ZBTB34: variants seen among roughly 807,000 people sequenced by gnomAD.
The protein encoded by ZBTB34 is zinc finger and BTB domain-containing protein 34.
ZBTB34 carries 1 observed loss-of-function variant against 33.4 expected under a neutral mutation model. That is an observed-to-expected ratio of 0.03 (90% CI 0.01 to 0.14). The LOEUF is 0.14. Ranked by LOEUF, ZBTB34 falls within the 10% of genes least tolerant of loss-of-function variation. ZBTB34 has a pLI of 1.00. For missense variants in ZBTB34, 406 were observed against 657.2 expected, an observed-to-expected ratio of 0.62 and a Z score of 4.18; for synonymous variants, 283 against 253.5, an observed-to-expected ratio of 1.12 and a Z score of -1.11.
In ZBTB34 at chr9:126,880,905, T is replaced by G; in HGVS notation, c.1506T>G (p.Ala502=). ...TGGAAATTCACACAGTGTCTGATGC[T>G]CCCGATTAAGATGGTAAAGAAGTGC... The change falls in exon 2 of 2, where the codon GCT becomes GCG. Residue 502 remains alanine, a synonymous_variant. Transcript: ENST00000319119. This position sits in a 1 kb window ranked among gnomAD's most constrained non-coding sequence, Gnocchi z 6.7. 6.2e-7 allele frequency: 1 copy of G among 1,608,070 alleles called. No homozygotes were observed. Among genetic ancestry groups the G allele is most frequent in the South Asian group, 1.1e-5 (1 of 90,924 alleles).
chr9:126,873,189 A>G (rs2033304289), intron 1 of ZBTB34, among the ~76,000 whole-genome samples: 2 of 152,124 alleles, frequency 1.3e-5, no homozygotes, highest in South Asian at 2.1e-4. Context: ...ACATTTGCCT[A>G]TTTGTTAGGT....
At chr9:126,863,130 C>G (rs2033162757) in intron 1 of ZBTB34, among the ~76,000 whole-genome samples, 1 of 152,140 alleles carries the variant, frequency 6.6e-6, no homozygotes, top group South Asian at 2.1e-4. Context: ...GGGGAAAGAA[C>G]AGCAGCTTTG....
chr9:126,867,889 G>T (rs2033229932), intron 1 of ZBTB34, among the ~76,000 whole-genome samples: 1 of 151,950 alleles, frequency 6.6e-6, no homozygotes, highest in African/African-American at 2.4e-5. Context: ...GTTGACATGT[G>T]ACACCTTTGA....
intron 1 of ZBTB34, among the ~76,000 whole-genome samples, chr9:126,864,651 A>T (rs527534869): frequency 4.7e-5 from 7 of 149,434 alleles, no homozygotes; most frequent in South Asian, 4.3e-4. Flanking sequence ...CATTTTATTT[A>T]TTTTTTTTTT....
At chr9:126,861,509 G>C (rs2033143412) in intron 1 of ZBTB34, among the ~76,000 whole-genome samples, 1 of 152,192 alleles carries the variant, frequency 6.6e-6, no homozygotes, top group Non-Finnish European at 1.5e-5. Context: ...TTCTGGCTCT[G>C]CCATTCCGTG....
exon 2 of ZBTB34, chr9:126,884,171 C>G (rs561378847): frequency 6.6e-5 from 11 of 167,000 alleles, no homozygotes; most frequent in Non-Finnish European, 1.2e-4. Flanking sequence ...CTTGAGCTAC[C>G]TTTTCAATAT....
At chr9:126,860,786 C>CG in intron 1 of ZBTB34, 47 bp downstream of exon 1, 1 of 69,420 alleles carries the variant, frequency 1.4e-5, no homozygotes, top group East Asian at 4.2e-4. Flanking sequence ...TAGGCGCGGG[C>CG]GGGGCAGGCG....
chr9:126,874,860 T>C (rs181111423), intron 1 of ZBTB34, among the ~76,000 whole-genome samples: 22 of 152,350 alleles, frequency 1.4e-4, no homozygotes, highest in Non-Finnish European at 2.4e-4. Flanking sequence ...TCACATAGGC[T>C]TCTCTGACCA....
At chr9:126,868,446 C>T (rs1289662022) in intron 1 of ZBTB34, among the ~76,000 whole-genome samples, 1 of 152,164 alleles carries the variant, frequency 6.6e-6, no homozygotes, top group East Asian at 1.9e-4. Context: ...GCGGTCATTT[C>T]CAGGCAGTGC....
At chr9:126,878,728 T>G (rs1380679154) in intron 1 of ZBTB34, among the ~76,000 whole-genome samples, 1 of 146,948 alleles carries the variant, frequency 6.8e-6, no homozygotes, top group African/African-American at 2.5e-5. Context: ...TTTGTTTTGT[T>G]TTTTTTTTTT....
chr9:126,881,178 A>G, exon 2 of ZBTB34: 1 of 420,816 alleles, frequency 2.4e-6, no homozygotes, highest in South Asian at 3.0e-5. Flanking sequence ...TTAATCCAAA[A>G]TCTGCCAGTG....
intron 1 of ZBTB34, among the ~76,000 whole-genome samples, chr9:126,878,931 C>T (rs1201065482): frequency 6.6e-6 from 1 of 151,918 alleles, no homozygotes; most frequent in Non-Finnish European, 1.5e-5. Flanking sequence ...ACCATGTTGG[C>T]CAGGTTGGTT....
intron 1 of ZBTB34, among the ~76,000 whole-genome samples, chr9:126,876,379 G>A (rs1487309566): frequency 2.0e-5 from 3 of 150,204 alleles, no homozygotes; most frequent in Non-Finnish European, 4.4e-5. Flanking sequence ...TACGCTGAAA[G>A]GGCATTTAAC....
chr9:126,872,280 G>A (rs1277893925), intron 1 of ZBTB34, among the ~76,000 whole-genome samples: 6 of 152,174 alleles, frequency 3.9e-5, no homozygotes, highest in South Asian at 2.1e-4. Context: ...AGCTGGGCAC[G>A]GTGGTGCGTG....
Position 126,862,025 on chromosome 9 carries a change from A to G in ZBTB34, c.-11+1286A>G, listed in dbSNP as rs10987506. 0.011 allele frequency among the ~76,000 whole-genome samples: 1,702 copies of G among 152,344 alleles called. 135 individuals are homozygous for G. In the East Asian group the frequency reaches 0.19, roughly 17 times the overall value. On this transcript the variant is annotated intron_variant, in intron 1 of 1. Transcript: ENST00000319119. Reference sequence around the variant, plus strand: ...AGGCAGCTTTACACAGGGTGCTGAGACATTACTTATGAAAAGGTAATTTTG... The same window carrying G: ...AGGCAGCTTTACACAGGGTGCTGAGGCATTACTTATGAAAAGGTAATTTTG...
At chr9:126,872,858 A>T (rs2119218925) in intron 1 of ZBTB34, among the ~76,000 whole-genome samples, 2 of 152,300 alleles carry the variant, frequency 1.3e-5, no homozygotes, top group South Asian at 4.1e-4. Flanking sequence ...TTCCTTTCTC[A>T]TATTGCAGAA....
Position 126,880,607 on chromosome 9 carries a change from C to T in ZBTB34, c.1208C>T (p.Pro403Leu). The change falls in exon 2 of 2, where the codon CCC becomes CTC. Residue 403 changes from proline (P) to leucine (L), a missense_variant. By Grantham distance (98) the Pro-to-Leu change is moderately conservative (BLOSUM62 -3). Coordinates refer to ENST00000319119, the Ensembl canonical transcript of ZBTB34. This position sits in a 1 kb window ranked among gnomAD's most constrained non-coding sequence, Gnocchi z 6.7. ...ATGCGACTCCATATGGGAATCACCC[C>T]CTTTGTGTGCAAGTTCTGTGGGAAG... 1 of 1,613,896 alleles carries T rather than the reference C, an allele frequency of 6.2e-7. No individual in the cohort carries two copies. The highest frequency in any genetic ancestry group is 8.5e-7 in the Non-Finnish European group (1 of 1,179,902).
chr9:126,865,946 C>T (rs374530859), intron 1 of ZBTB34, among the ~76,000 whole-genome samples: 7 of 152,186 alleles, frequency 4.6e-5, no homozygotes. Context: ...GATTGCACCA[C>T]TGCACTCCAG....
At chr9:126,884,713 A>G (rs2033496559) in exon 2 of ZBTB34, 1 of 167,072 alleles carries the variant, frequency 6.0e-6, no homozygotes, top group Non-Finnish European at 1.5e-5. Flanking sequence ...AGACCCTAGG[A>G]AAAATTTGCA....
Sources: allele counts gnomAD v4.1 joint callset (sites outside exome capture counted in the v4.1 genomes callset), GRCh38; gene constraint gnomAD v4.1.1; non-coding constraint Gnocchi (gnomAD v3.1); transcripts MANE v1.5; gene names NCBI Gene and HGNC (gene_info 2026-07-23, HGNC 2026-07-21).